The following ITGAE variants were observed in gnomAD, a reference collection of about 807,000 sequenced individuals.
ITGAE encodes integrin alpha-E.
Under a neutral mutation model 136.5 loss-of-function variants are expected in ITGAE, and 99 were observed. That is an observed-to-expected ratio of 0.73 (90% CI 0.62 to 0.86). ITGAE has a LOEUF of 0.86. Among genes scored for constraint, ITGAE ranks in the 40% least tolerant of loss-of-function variants. The pLI, the probability that ITGAE is intolerant of heterozygous loss-of-function variation, is 0.00. For missense variants in ITGAE, 1,447 were observed against 1,515.3 expected, an observed-to-expected ratio of 0.95 and a Z score of 0.75; for synonymous variants, 613 against 591.8, an observed-to-expected ratio of 1.04 and a Z score of -0.52.
intron 18 of ITGAE, among the ~76,000 whole-genome samples, chr17:3,744,449 T>C (rs113819992): frequency 3.4e-5 from 5 of 147,256 alleles, no homozygotes. Flanking sequence ...TCTTTCTCTT[T>C]TTTTTTTTTT....
At chr17:3,738,273 C>T (rs980100993) in intron 20 of ITGAE, among the ~76,000 whole-genome samples, 2 of 149,742 alleles carry the variant, frequency 1.3e-5, no homozygotes, top group Non-Finnish European at 3.0e-5. Flanking sequence ...CGAGTTTGAG[C>T]GATTCTCCTG....
chr17:3,749,433 T>C (rs1478556855), intron 16 of ITGAE, among the ~76,000 whole-genome samples: 3 of 152,038 alleles, frequency 2.0e-5, no homozygotes, highest in Non-Finnish European at 4.4e-5. Flanking sequence ...TTTGTATTTT[T>C]AGTAGAGATG....
chr17:3,761,498 C>T lies in ITGAE; in HGVS notation c.338G>A (p.Arg113Gln), dbSNP rs149806300. ...TTCTGAGCTGAGGCTGTGAGGCCGC[C>T]GGACCAGCACTTGAATGCATATCTG... ...GVLICIQVLVRRPHSLSSELT... is the reference protein window; with the variant it reads ...GVLICIQVLVQRPHSLSSELT... The change falls in exon 5 of 31, where the codon CGG (arginine) becomes CAG (glutamine). Residue 113 changes from arginine (R) to glutamine (Q), a missense_variant. Around this residue, in one of 3 missense-constraint regions of ITGAE, gnomAD observed 310 missense variants for 416.1 expected, o/e 0.74. Transcript: ENST00000263087. 8.7e-6 allele frequency: 14 copies of T among 1,613,584 alleles called. No individual in the cohort carries two copies. Among genetic ancestry groups the T allele is most frequent in the Non-Finnish European group, 1.0e-5 (12 of 1,179,904 alleles).
At chr17:3,782,291 A>C (rs1236507906) in intron 1 of ITGAE, among the ~76,000 whole-genome samples, 2 of 148,918 alleles carry the variant, frequency 1.3e-5, no homozygotes, top group East Asian at 3.9e-4. Flanking sequence ...AAAAAAAAAA[A>C]AAAAAAAAAA....
intron 2 of ITGAE, among the ~76,000 whole-genome samples, chr17:3,776,332 A>G (rs2052539306): frequency 6.6e-6 from 1 of 152,128 alleles, no homozygotes; most frequent in African/African-American, 2.4e-5. Flanking sequence ...TGCTGGGATT[A>G]CAGGCGTGAG....
intron 20 of ITGAE, among the ~76,000 whole-genome samples, chr17:3,736,096 T>A (rs1414145081): frequency 6.6e-6 from 1 of 151,590 alleles, no homozygotes; most frequent in Non-Finnish European, 1.5e-5. Flanking sequence ...AGGGCTGAGA[T>A]CACGCCACTA....
At chr17:3,760,526 G>A (rs370972122) in intron 6 of ITGAE, among the ~76,000 whole-genome samples, 1 of 131,478 alleles carries the variant, frequency 7.6e-6, no homozygotes, top group Non-Finnish European at 1.5e-5. Flanking sequence ...TGCAGCCTCC[G>A]CCTCCCGGGT....
intron 26 of ITGAE, chr17:3,725,677 A>T: frequency 1.3e-6 from 2 of 1,588,244 alleles, no homozygotes; most frequent in South Asian, 2.3e-5. Flanking sequence ...GATCACTATA[A>T]TTCAACCAAA....
intron 2 of ITGAE, among the ~76,000 whole-genome samples, chr17:3,773,709 C>T (rs1051068213): frequency 3.3e-5 from 5 of 151,960 alleles, no homozygotes; most frequent in Admixed American, 6.6e-5. Context: ...AATCACTGGC[C>T]GCTGGTGATC....
intron 1 of ITGAE, among the ~76,000 whole-genome samples, chr17:3,791,557 A>G (rs1017263754): frequency 5.3e-5 from 8 of 152,204 alleles, no homozygotes; most frequent in Admixed American, 3.9e-4. Context: ...TGCTGGGATT[A>G]CAGGTGTGAG....
intron 20 of ITGAE, 150 bp downstream of exon 20, chr17:3,739,655 G>T: frequency 1.5e-6 from 1 of 676,390 alleles, no homozygotes. Context: ...TGGGGTAGCT[G>T]AGGACATATT....
At chr17:3,755,955 G>A in intron 10 of ITGAE, 58 bp from the exon 11 acceptor site, 2 of 1,508,688 alleles carry the variant, frequency 1.3e-6, no homozygotes, top group South Asian at 1.2e-5. Flanking sequence ...GAGAAACTGA[G>A]TCAGGGGACA....
Position 3,714,729 on chromosome 17 carries a change from T to C in ITGAE, c.*118A>G. On this transcript the variant is annotated 3_prime_UTR_variant, in exon 31 of 31. Transcript: ENST00000263087. Reference sequence around the variant, plus strand: ...GGGACAATGTATGGTTAAAAACTAATATTCTACCAACAGCTCCATGCTGCT... The same window carrying C: ...GGGACAATGTATGGTTAAAAACTAACATTCTACCAACAGCTCCATGCTGCT... 1 of 594,208 alleles carries C rather than the reference T, an allele frequency of 1.7e-6. No individual in the cohort carries two copies. Among genetic ancestry groups the C allele is most frequent in the Non-Finnish European group, 3.0e-6 (1 of 336,318 alleles). 36.8% of individuals were successfully genotyped at this position (594,208 alleles called of 1,614,324 possible).
In ITGAE at chr17:3,728,217, T is replaced by G. The variant is rs762964061; in HGVS notation, c.2913-49A>C. On this transcript the variant is annotated intron_variant, in intron 24 of 30. Coordinates refer to ENST00000263087, the MANE Select transcript of ITGAE (RefSeq NM_002208.5). ...AGCCCTTGAGGAGTCTTTCTCCCTT[T>G]TTTGGAGACAGGGTCTCACTCTGTT... 2.8e-6 allele frequency: 4 copies of G among 1,430,404 alleles called. No homozygotes were observed. In the African/African-American group the frequency reaches 5.7e-5, roughly 20 times the overall value. 88.6% of individuals were successfully genotyped at this position (1,430,404 alleles called of 1,614,324 possible).
At chr17:3,729,391 A>G (rs560768933) in intron 24 of ITGAE, 87 bp downstream of exon 24, 2 of 843,482 alleles carry the variant, frequency 2.4e-6, no homozygotes, top group South Asian at 1.3e-5. Context: ...ATTCATCCTG[A>G]CCACCAGCTC....
Position 3,757,569 on chromosome 17 carries a change from GGA to G in ITGAE, c.1020+135_1020+136del, listed in dbSNP as rs2052059578. Reference sequence around the variant, plus strand: ...AGCCCTCTCTGGGATGACAGAGCATGGAGAGAAGAGGAGCATTTGCAAATAGA... The same window carrying G: ...AGCCCTCTCTGGGATGACAGAGCATGGAGAAGAGGAGCATTTGCAAATAGA... On this transcript the variant is annotated intron_variant, in intron 9 of 30. Transcript: ENST00000263087. 6 of 943,552 alleles carry G rather than the reference GGA, an allele frequency of 6.4e-6. No homozygotes were observed. The East Asian group carries it at 1.2e-4, about 19-fold the overall frequency. 58.4% of individuals were successfully genotyped at this position (943,552 alleles called of 1,614,324 possible). A position where few individuals can be genotyped will look rare whatever the true frequency, so the allele number is the denominator to read the frequency against.
rs376263196 is a variant in ITGAE at position 3,731,061 on chromosome 17, C to T, written c.2834+43G>A. On this transcript the variant is annotated intron_variant, in intron 23 of 30. Transcript: ENST00000263087. The stretch of plus-strand genomic sequence containing the variant: ...GTGCATGTGGCAGGGAGATGTCTTC[C>T]GGGGTCATAGCCTGACTCTGCTGTG... 1.0e-4 allele frequency: 152 copies of T among 1,516,344 alleles called. 1 individual carries two copies. In the Admixed American group the frequency reaches 1.4e-3, roughly 14 times the overall value. 93.9% of individuals were successfully genotyped at this position (1,516,344 alleles called of 1,614,324 possible). A position where few individuals can be genotyped will look rare whatever the true frequency, so the allele number is the denominator to read the frequency against.
chr17:3,797,222 G>C (rs1411546534), intron 1 of ITGAE, among the ~76,000 whole-genome samples: 1 of 142,434 alleles, frequency 7.0e-6, no homozygotes, highest in African/African-American at 2.6e-5. Flanking sequence ...CTGGAGTGCA[G>C]TGGCGCAATC....
chr17:3,791,080 A>G (rs562581743), intron 1 of ITGAE, among the ~76,000 whole-genome samples: 9 of 149,426 alleles, frequency 6.0e-5, no homozygotes, highest in Non-Finnish European at 1.0e-4. Context: ...GCGTGAACCC[A>G]GGAGGCAGAG....
Sources: allele counts gnomAD v4.1 joint callset (sites outside exome capture counted in the v4.1 genomes callset), GRCh38; gene constraint gnomAD v4.1.1; regional missense constraint gnomAD v4.1.1; transcripts MANE v1.5; gene names NCBI Gene and HGNC (gene_info 2026-07-23, HGNC 2026-07-21).